Variants in LPP observed in about 807,000 individuals in gnomAD.
LPP encodes LIM domain containing preferred translocation partner in lipoma, also known as lipoma-preferred partner.
In LPP, 38 loss-of-function variants were observed where a neutral mutation model predicts 60.4. That is an observed-to-expected ratio of 0.63 (90% confidence interval 0.49 to 0.83). The LOEUF is 0.83. Ranked by LOEUF, LPP falls within the 40% of genes least tolerant of loss-of-function variation. The probability of loss-of-function intolerance (pLI) is 0.00; values close to 1 mark genes in which losing one functional copy is unlikely to be tolerated. For missense variants in LPP, 902 were observed against 783.6 expected (o/e 1.15, Z -1.80); for synonymous variants, 328 against 290.8 (o/e 1.13, Z -1.30).
chr3:188,776,872 A>G (rs1043573058), intron 9 of LPP, among the ~76,000 whole-genome samples: 2 of 151,878 alleles, frequency 1.3e-5, no homozygotes, highest in African/African-American at 4.8e-5. Flanking sequence ...AAAAAGAGCC[A>G]TGTGAATTTC....
At chr3:188,450,045 C>T (rs150427341) in intron 4 of LPP, among the ~76,000 whole-genome samples, 1,779 of 152,214 alleles carry the variant, frequency 0.012, 33 homozygotes, top group African/African-American at 0.04. Context: ...CCTCGTGATC[C>T]GCCCACCTCG....
intron 3 of LPP, among the ~76,000 whole-genome samples, chr3:188,368,719 C>CACACACACAG (rs1257085181): frequency 1.2e-4 from 12 of 99,648 alleles, no homozygotes; most frequent in African/African-American, 1.9e-4. Flanking sequence ...CACACACACA[C>CACACACACAG]AGAGAGAGAG....
chr3:188,378,885 C>T (rs1437599515), intron 3 of LPP, among the ~76,000 whole-genome samples: 1 of 152,154 alleles, frequency 6.6e-6, no homozygotes, highest in East Asian at 1.9e-4. Context: ...ATATCATTTT[C>T]ATTCCACATG....
intron 4 of LPP, among the ~76,000 whole-genome samples, chr3:188,480,116 T>C (rs939318481): frequency 5.3e-5 from 8 of 152,282 alleles, no homozygotes; most frequent in Non-Finnish European, 1.0e-4. Flanking sequence ...TTTTTACCCC[T>C]AGATTAAAAG....
chr3:188,436,470 T>A (rs1264176552), intron 4 of LPP, among the ~76,000 whole-genome samples: 1 of 152,182 alleles, frequency 6.6e-6, no homozygotes, highest in Non-Finnish European at 1.5e-5. Flanking sequence ...AGATATTACT[T>A]GAGAAACATG....
rs539157462 is a variant in LPP, at chr3:188,726,343, AC to A, written c.1240+17951del. Among the ~76,000 whole-genome samples the A allele has an allele frequency of 4.1e-3, 631 of 152,270 alleles. 4 individuals carry two copies. Among genetic ancestry groups the A allele is most frequent in the African/African-American group, 0.015 (613 of 41,548 alleles). On this transcript the variant is annotated intron_variant, in intron 8 of 11. Transcript: ENST00000617246. ...TCTATCTTGGGTGGGTAATGACATCACTAAGTGATGTGAGAAAAAGAGAAGG... is the reference window on the plus strand; with the variant it reads ...TCTATCTTGGGTGGGTAATGACATCATAAGTGATGTGAGAAAAAGAGAAGG...
chr3:188,799,262 C>A (rs1012888537), intron 9 of LPP, among the ~76,000 whole-genome samples: 4 of 152,218 alleles, frequency 2.6e-5, no homozygotes, highest in African/African-American at 7.2e-5. Context: ...TTTACTCTAT[C>A]TTTGGATAAA....
intron 6 of LPP, among the ~76,000 whole-genome samples, chr3:188,564,945 G>T (rs750376841): frequency 1.3e-4 from 20 of 151,988 alleles, no homozygotes; most frequent in Non-Finnish European, 2.2e-4. Flanking sequence ...CTGCCTCATG[G>T]CCTCCTCATC....
Position 188,609,242 on chromosome 3 carries a change from C to T in LPP, c.511C>T (p.Pro171Ser), listed in dbSNP as rs767804605. 1.9e-6 allele frequency: 3 copies of T among 1,614,026 alleles called. No homozygotes were observed. Among genetic ancestry groups the T allele is most frequent in the East Asian group, 4.5e-5 (2 of 44,856 alleles). Reference protein sequence around the residue: ...HKRMVIPNQPPLTATKKSTLK... With the variant: ...HKRMVIPNQPSLTATKKSTLK... ...GAGAATGGTCATCCCGAACCAACCC[C>T]CTCTAACAGCAACCAAGAAGTCTAC... The change falls in exon 7 of 12, where the codon CCT (proline) becomes TCT (serine). Residue 171 changes from proline to serine, a missense_variant. Transcript: ENST00000617246. The surrounding 1 kb of genome is among the most constrained non-coding windows in gnomAD (Gnocchi z 6.9).
At chr3:188,191,459 T>C (rs1218545636) in intron 1 of LPP, among the ~76,000 whole-genome samples, 1 of 152,186 alleles carries the variant, frequency 6.6e-6, no homozygotes, top group Non-Finnish European at 1.5e-5. Context: ...CAGAGGACCA[T>C]TAAAGGTGTG....
chr3:188,838,346 A>G (rs17673195), intron 9 of LPP, among the ~76,000 whole-genome samples: 18,313 of 152,194 alleles, frequency 0.12, 1,571 homozygotes, highest in Non-Finnish European at 0.18. Flanking sequence ...GGGGGGACTC[A>G]TATGCACCTT....
chr3:188,880,579 A>G lies in LPP; in HGVS notation c.*6100A>G, dbSNP rs1769849283. The G allele has an allele frequency of 5.3e-6, 1 of 188,798 alleles. No homozygotes were observed. The highest frequency in any genetic ancestry group is 1.1e-5 in the Non-Finnish European group (1 of 89,662). 11.7% of individuals were successfully genotyped at this position (188,798 alleles called of 1,614,324 possible). A position where few individuals can be genotyped will look rare whatever the true frequency, so the allele number is the denominator to read the frequency against. ...TTCAGATGATTGCATTAAGCCTTTC[A>G]TGTTATGTGGCATTGTTAATTTTTC... On this transcript the variant is annotated 3_prime_UTR_variant, in exon 12 of 12. Coordinates refer to ENST00000617246, the MANE Select transcript of LPP (RefSeq NM_001375462.1).
Position 188,182,166 on chromosome 3 carries a change from C to T in LPP, c.-190+27914C>T, listed in dbSNP as rs574624303. 1.3e-5 allele frequency among the ~76,000 whole-genome samples: 2 copies of T among 152,306 alleles called. No individual in the cohort carries two copies. The highest frequency in any genetic ancestry group is 2.4e-5 in the African/African-American group (1 of 41,556). On this transcript the variant is annotated intron_variant, in intron 1 of 11. Coordinates refer to ENST00000617246, the MANE Select transcript of LPP (RefSeq NM_001375462.1). The surrounding 1 kb of genome is among the most constrained non-coding windows in gnomAD (Gnocchi z 4.4). ...AGATGCTCAGCAAATCTGTGTGGAA[C>T]GATTGCCTTAGGCTGCAAGTTTATC...
Position 188,765,861 on chromosome 3 carries a change from C to CTTTTTTT in LPP, c.1410+5599_1410+5605dup, listed in dbSNP as rs71169019. 3.3e-4 allele frequency among the ~76,000 whole-genome samples: 31 copies of CTTTTTTT among 92,628 alleles called. 5 individuals are homozygous for CTTTTTTT. Among genetic ancestry groups the CTTTTTTT allele is most frequent in the South Asian group, 9.7e-4 (2 of 2,054 alleles). The allele number at this position is 92,628 out of a possible 152,430, so 60.8% of individuals were successfully genotyped here. On this transcript the variant is annotated intron_variant, in intron 9 of 11. Coordinates refer to ENST00000617246, the MANE Select transcript of LPP (RefSeq NM_001375462.1). ...GCAACGTGCAACTTAATGTTCAACT[C>CTTTTTTT]TTTTTTTTTTTTTTTTTTTTTTTTT...
At chr3:188,830,651 G>A (rs752416295) in intron 9 of LPP, among the ~76,000 whole-genome samples, 1 of 151,680 alleles carries the variant, frequency 6.6e-6, no homozygotes, top group South Asian at 2.1e-4. Flanking sequence ...CCCAACGAAC[G>A]AACAAACACA....
At chr3:188,405,981 C>G in intron 3 of LPP, 131 bp from the exon 4 acceptor site, 1 of 677,126 alleles carries the variant, frequency 1.5e-6, no homozygotes. Context: ...CTTCCATTTT[C>G]TTTCACCCTT....
At chr3:188,308,096 A>T (rs1752125297) in intron 2 of LPP, among the ~76,000 whole-genome samples, 2 of 152,160 alleles carry the variant, frequency 1.3e-5, no homozygotes, top group Non-Finnish European at 1.5e-5. Context: ...AGAATTCAGG[A>T]CTGATGGTAG....
intron 3 of LPP, among the ~76,000 whole-genome samples, chr3:188,343,262 G>C (rs1043816977): frequency 9.2e-5 from 14 of 152,102 alleles, no homozygotes; most frequent in Non-Finnish European, 1.0e-4. Flanking sequence ...AACATGCGGT[G>C]TTTGGAAGCC....
intron 9 of LPP, among the ~76,000 whole-genome samples, chr3:188,800,246 C>CTTTTTTTTT (rs33982362): frequency 4.1e-5 from 4 of 97,308 alleles, no homozygotes; most frequent in Non-Finnish European, 7.5e-5. Context: ...TTGAAGCTTT[C>CTTTTTTTTT]TTTTTTTTTT....
Sources: gnomAD v4.1 joint callset for allele counts (sites outside exome capture counted in the v4.1 genomes callset) on GRCh38, gnomAD v4.1.1 for gene constraint, Gnocchi (gnomAD v3.1) non-coding constraint, MANE v1.5 for transcripts, NCBI Gene and HGNC (gene_info 2026-07-23, HGNC 2026-07-21) for gene names.